Variants in MYO3B observed in about 807,000 individuals in gnomAD.
MYO3B encodes myosin-IIIb.
A neutral mutation model predicts 174.6 loss-of-function variants in MYO3B; 156 were observed. That is an observed-to-expected ratio of 0.89 (90% CI 0.78 to 1.02). The LOEUF is 1.02. Among genes scored for constraint, MYO3B ranks in the 50% least tolerant of loss-of-function variants. MYO3B has a pLI of 0.00. For missense variants in MYO3B, 1,632 were observed against 1,639.4 expected, an observed-to-expected ratio of 1.00 and a Z score of 0.08; for synonymous variants, 563 against 569.1, an observed-to-expected ratio of 0.99 and a Z score of 0.15.
chr2:170,362,275 C>T (rs911473216), intron 8 of MYO3B, among the ~76,000 whole-genome samples: 1 of 152,126 alleles, frequency 6.6e-6, no homozygotes, highest in Non-Finnish European at 1.5e-5. Context: ...GTTCTTTATC[C>T]CCAAGTTTCC....
intron 32 of MYO3B, among the ~76,000 whole-genome samples, chr2:170,582,827 A>G (rs895838191): frequency 2.6e-5 from 4 of 151,718 alleles, no homozygotes; most frequent in African/African-American, 7.3e-5. Context: ...CAGGGGAGAG[A>G]AACAATGGGA....
At chr2:170,609,250 A>C (rs1414141868) in intron 32 of MYO3B, among the ~76,000 whole-genome samples, 1 of 152,192 alleles carries the variant, frequency 6.6e-6, no homozygotes, top group Non-Finnish European at 1.5e-5. Flanking sequence ...TTTCACCTCT[A>C]GCTAACATTA....
intron 8 of MYO3B, 65 bp downstream of exon 8, chr2:170,335,515 C>T: frequency 7.7e-7 from 1 of 1,303,380 alleles, no homozygotes; most frequent in Non-Finnish European, 1.1e-6. Flanking sequence ...TGGAGAAATC[C>T]AGGCTGTGGA....
chr2:170,456,199 T>C (rs1274776870), intron 23 of MYO3B, among the ~76,000 whole-genome samples: 1 of 152,110 alleles, frequency 6.6e-6, no homozygotes, highest in African/African-American at 2.4e-5. Context: ...TAGGGGAATT[T>C]AATGGCCTTG....
intron 25 of MYO3B, among the ~76,000 whole-genome samples, chr2:170,490,190 G>A (rs35820917): frequency 0.011 from 1,647 of 151,872 alleles, 16 homozygotes; most frequent in Non-Finnish European, 0.016. Flanking sequence ...TACCACGCCC[G>A]GCTAATTTTT....
chr2:170,314,284 G>T (rs1214533896), intron 7 of MYO3B, among the ~76,000 whole-genome samples: 1 of 152,136 alleles, frequency 6.6e-6, no homozygotes, highest in Non-Finnish European at 1.5e-5. Context: ...ATTAATTCAT[G>T]TATATGTTCA....
At chr2:170,519,222 A>T (rs1472707667) in intron 29 of MYO3B, among the ~76,000 whole-genome samples, 1 of 152,170 alleles carries the variant, frequency 6.6e-6, no homozygotes, top group African/African-American at 2.4e-5. Flanking sequence ...TCCTATAAGC[A>T]TGAAAACAGT....
chr2:170,485,617 G>A (rs556524142), intron 25 of MYO3B, among the ~76,000 whole-genome samples: 106 of 152,192 alleles, frequency 7.0e-4, no homozygotes, highest in African/African-American at 2.5e-3. Context: ...TTATTTAGCC[G>A]TTCCTCTACT....
At chr2:170,644,927 T>C (rs1473059246) in intron 32 of MYO3B, among the ~76,000 whole-genome samples, 4 of 152,128 alleles carry the variant, frequency 2.6e-5, no homozygotes, top group Admixed American at 2.6e-4. Context: ...TTCTCAAATA[T>C]GAAATCAGAA....
At chr2:170,436,710 G>T (rs1388662534) in intron 22 of MYO3B, among the ~76,000 whole-genome samples, 1 of 152,170 alleles carries the variant, frequency 6.6e-6, no homozygotes. Flanking sequence ...CACACACTTG[G>T]TTTGGGGGAA....
intron 7 of MYO3B, among the ~76,000 whole-genome samples, chr2:170,252,859 G>A (rs539602289): frequency 6.6e-6 from 1 of 152,284 alleles, no homozygotes. Flanking sequence ...GTGGGAATGA[G>A]GTGGGAACAT....
chr2:170,228,418 A>G (rs1438594193), intron 6 of MYO3B, among the ~76,000 whole-genome samples: 1 of 152,246 alleles, frequency 6.6e-6, no homozygotes, highest in African/African-American at 2.4e-5. Context: ...AGGCAAGGAC[A>G]GTGGGATTGC....
chr2:170,388,972 G>T lies in MYO3B; in HGVS notation c.1577+1664G>T, dbSNP rs150390678. Among the ~76,000 whole-genome samples the T allele has an allele frequency of 4.5e-3, 686 of 152,258 alleles. 4 individuals carry two copies. The highest frequency in any genetic ancestry group is 7.0e-3 in the Non-Finnish European group (478 of 68,024). ...CCCTGCTTTTGTCTCCCCAGGTTAG[G>T]GTGGTTTTAAAATTTAGGGAGCTAC... On this transcript the variant is annotated intron_variant, in intron 14 of 34. Coordinates refer to ENST00000408978, the MANE Select transcript of MYO3B (RefSeq NM_138995.5).
rs199617422 is a variant in MYO3B, at chr2:170,543,884, T to C, written c.3637-8T>C. 222 of 1,611,056 alleles carry C rather than the reference T, an allele frequency of 1.4e-4. 1 individual carries two copies. In the African/African-American group the frequency reaches 2.7e-3, roughly 20 times the overall value. On this transcript the variant is annotated splice_polypyrimidine_tract_variant and splice_region_variant and intron_variant, in intron 31 of 34. Coordinates refer to ENST00000408978, the MANE Select transcript of MYO3B (RefSeq NM_138995.5). ...GAATAATATTTCTCTTACTGGGTTT[T>C]TCTGAAGCACTCGGTTTCTGGGACT...
At chr2:170,484,270 A>C (rs1685885878) in intron 25 of MYO3B, among the ~76,000 whole-genome samples, 1 of 152,190 alleles carries the variant, frequency 6.6e-6, no homozygotes, top group African/African-American at 2.4e-5. Flanking sequence ...AAAGTTACAC[A>C]GAGAGTATGT....
intron 30 of MYO3B, among the ~76,000 whole-genome samples, chr2:170,526,503 AG>A (rs1689009627): frequency 1.3e-5 from 2 of 152,208 alleles, no homozygotes; most frequent in African/African-American, 4.8e-5. Context: ...CTTTAACTTT[AG>A]AGACAAATTT....
At chr2:170,214,251 G>A in intron 3 of MYO3B, 128 bp from the exon 4 acceptor site, 1 of 644,892 alleles carries the variant, frequency 1.6e-6, no homozygotes, top group Non-Finnish European at 2.7e-6. Context: ...AGTATTCCAA[G>A]CTGGAGTTTT....
chr2:170,214,966 G>C (rs1482272253), intron 5 of MYO3B, 138 bp downstream of exon 5: 27 of 650,314 alleles, frequency 4.2e-5, no homozygotes, highest in Admixed American at 2.4e-4. Flanking sequence ...CAAGCTGGAG[G>C]GGGTGGGGGC....
At chr2:170,321,709 CTT>C (rs1165321295) in intron 7 of MYO3B, among the ~76,000 whole-genome samples, 1 of 152,108 alleles carries the variant, frequency 6.6e-6, no homozygotes, top group African/African-American at 2.4e-5. Context: ...TTTCTGATGA[CTT>C]AATGTTGATG....
Sources: gnomAD v4.1 joint callset for allele counts (sites outside exome capture counted in the v4.1 genomes callset) on GRCh38, gnomAD v4.1.1 for gene constraint, MANE v1.5 for transcripts, NCBI Gene and HGNC (gene_info 2026-07-23, HGNC 2026-07-21) for gene names.